Variants in FAM234B observed in about 807,000 individuals in gnomAD.
The protein encoded by FAM234B is protein FAM234B.
A neutral mutation model predicts 69.3 loss-of-function variants in FAM234B; 33 were observed. The observed-to-expected ratio is 0.48, with a 90% confidence interval of 0.36 to 0.64. The LOEUF (loss-of-function observed/expected upper bound fraction) is 0.64. FAM234B is among the 30% of genes least tolerant of loss of function. The pLI is 0.00. For missense variants in FAM234B, 697 were observed against 769.7 expected, an observed-to-expected ratio of 0.91 and a Z score of 1.12; for synonymous variants, 306 against 306.9, an observed-to-expected ratio of 1.00 and a Z score of 0.03.
chr12:13,062,671 C>T, intron 4 of FAM234B, 174 bp from the exon 5 acceptor site: 1 of 572,898 alleles, frequency 1.7e-6, no homozygotes, highest in Non-Finnish European at 3.1e-6. Flanking sequence ...ATTCGGATCA[C>T]ACTGCCTGCT....
At chr12:13,069,758 C>T (rs1008424825) in intron 9 of FAM234B, among the ~76,000 whole-genome samples, 1 of 152,138 alleles carries the variant, frequency 6.6e-6, no homozygotes, top group African/African-American at 2.4e-5. Flanking sequence ...TTACAGAGGG[C>T]CCCAAAAGCA....
At position 13,071,351 on chromosome 12, in the gene FAM234B, C is replaced by T. The variant is rs750612195; in HGVS notation, c.1479C>T (p.Val493=). The T allele has an allele frequency of 1.5e-5, 25 of 1,614,102 alleles. No individual in the cohort carries two copies. Among genetic ancestry groups the T allele is most frequent in the South Asian group, 1.5e-4 (14 of 91,082 alleles). Residue 493 remains valine, a synonymous_variant, in exon 10 of 13, where the codon GTC becomes GTT. Coordinates refer to ENST00000197268, the MANE Select transcript of FAM234B (RefSeq NM_020853.2). ...CAGTTACTTCAGACCAGAAGTCTGT[C>T]TTCCTCTTCTGGGCCGAAGGGCTGT... ...TSAVTSDQKS[V]FLFWAEGLSA...
chr12:13,054,539 A>C (rs1864909163), intron 1 of FAM234B, among the ~76,000 whole-genome samples: 1 of 152,202 alleles, frequency 6.6e-6, no homozygotes, highest in Admixed American at 6.5e-5. Flanking sequence ...ATTAATAATT[A>C]TTCTTTTCCC....
At chr12:13,072,621 C>A (rs1865118275) in intron 10 of FAM234B, among the ~76,000 whole-genome samples, 1 of 150,836 alleles carries the variant, frequency 6.6e-6, no homozygotes, top group Non-Finnish European at 1.5e-5. Flanking sequence ...TTCCAGCTAT[C>A]TGGGAGGCTG....
Position 13,055,818 on chromosome 12 carries a change from T to C in FAM234B, c.305T>C (p.Val102Ala), listed in dbSNP as rs143249960. 1.2e-6 allele frequency: 2 copies of C among 1,614,014 alleles called. No homozygotes were observed. Among genetic ancestry groups the C allele is most frequent in the Admixed American group, 1.7e-5 (1 of 59,998 alleles). ...GCGGCCTCCTCCCTGGTGTCATATG[T>C]GCGCACGTCTGTCTTCCTGCTGACT... The part of the protein sequence containing the change: ...QKAASSLVSY[V>A]RTSVFLLTLG... Residue 102 changes from valine (V) to alanine (A), a missense_variant, in exon 2 of 13, where the codon GTG (valine) becomes GCG (alanine). Val to Ala is a moderately conservative substitution (Grantham distance 64). Around this residue, in one of 3 missense-constraint regions of FAM234B, gnomAD observed 380 missense variants for 447.1 expected, o/e 0.85. Transcript: ENST00000197268.
chr12:13,077,428 C>T (rs992474402), intron 11 of FAM234B, among the ~76,000 whole-genome samples: 1 of 134,512 alleles, frequency 7.4e-6, no homozygotes, highest in Non-Finnish European at 1.6e-5. Flanking sequence ...CCCTCCCCCC[C>T]ACCCCACAAC....
intron 6 of FAM234B, 135 bp downstream of exon 6, chr12:13,066,922 C>G (rs747234004): frequency 9.1e-5 from 94 of 1,030,478 alleles, no homozygotes; most frequent in Non-Finnish European, 1.3e-4. Context: ...GGGCCTCTTA[C>G]TGTCCCCCAC....
chr12:13,044,781 C>T lies in FAM234B; in HGVS notation c.37+341C>T, dbSNP rs1864787888. Among the ~76,000 whole-genome samples the T allele has an allele frequency of 6.6e-6, 1 of 152,168 alleles. No homozygotes were observed. The highest frequency in any genetic ancestry group is 6.5e-5 in the Admixed American group (1 of 15,282). On this transcript the variant is annotated intron_variant, in intron 1 of 12. Transcript: ENST00000197268. This position sits in a 1 kb window ranked among gnomAD's most constrained non-coding sequence, Gnocchi z 5.6. Reference sequence around the variant, plus strand: ...GAGCATCCTTCCCGAGCGCCGCGGACCCAGCACCGCAGGGACTCCGGCGCC... The same window carrying T: ...GAGCATCCTTCCCGAGCGCCGCGGATCCAGCACCGCAGGGACTCCGGCGCC...
intron 9 of FAM234B, among the ~76,000 whole-genome samples, chr12:13,070,963 A>G (rs375411835): frequency 3.3e-5 from 5 of 152,178 alleles, no homozygotes; most frequent in East Asian, 3.9e-4. Flanking sequence ...TCTCACCTGT[A>G]AAATGGGGTG....
chr12:13,058,452 TG>T lies in FAM234B; in HGVS notation c.439del (p.Asp147ThrfsTer10). 6.2e-7 allele frequency: 1 copy of T among 1,613,932 alleles called. No homozygotes were observed. The highest frequency in any genetic ancestry group is 8.5e-7 in the Non-Finnish European group (1 of 1,179,854). The part of the protein sequence containing the change: ...WSRHLGSQGG[G>X]DLSPLELADV... ...TTTGGTTTTTTATGTGTATAACAGG[TG>T]GGGACCTGTCTCCATTGGAATTGGC... On this transcript the variant is annotated frameshift_variant and splice_region_variant, in exon 3 of 13. Coordinates refer to ENST00000197268, the MANE Select transcript of FAM234B (RefSeq NM_020853.2). LOFTEE classifies it high-confidence loss of function.
chr12:13,058,693 C>T lies in FAM234B; in HGVS notation c.532+144C>T, dbSNP rs1233389216. 1.2e-5 allele frequency: 8 copies of T among 690,138 alleles called. No individual in the cohort carries two copies. The East Asian group carries it at 1.6e-4, about 14-fold the overall frequency. 42.8% of individuals were successfully genotyped at this position (690,138 alleles called of 1,614,324 possible). A position where few individuals can be genotyped will look rare whatever the true frequency, so the allele number is the denominator to read the frequency against. On this transcript the variant is annotated intron_variant, in intron 3 of 12. Transcript: ENST00000197268. The stretch of plus-strand genomic sequence containing the variant: ...TGGTTCTGGCATACATGAAAACCCT[C>T]ATCAGAAAGCTTCCACATATAAATA...
chr12:13,061,430 G>A, intron 3 of FAM234B, 145 bp from the exon 4 acceptor site: 3 of 629,432 alleles, frequency 4.8e-6, no homozygotes, highest in South Asian at 4.1e-5. Context: ...ACATCTTGCT[G>A]CCAGAAGTGT....
chr12:13,062,689 C>G, intron 4 of FAM234B, 156 bp from the exon 5 acceptor site: 2 of 655,802 alleles, frequency 3.0e-6, no homozygotes, highest in South Asian at 5.0e-5. Flanking sequence ...GCTTCCTCCT[C>G]CTCAGTAAGA....
At chr12:13,066,897 A>G (rs1865045283) in intron 6 of FAM234B, 110 bp downstream of exon 6, 6 of 1,274,718 alleles carry the variant, frequency 4.7e-6, no homozygotes, top group Non-Finnish European at 6.6e-6. Context: ...GCCTTCCCAT[A>G]GCCTTCTAAT....
chr12:13,059,551 T>C (rs921712870), intron 3 of FAM234B, among the ~76,000 whole-genome samples: 2 of 151,844 alleles, frequency 1.3e-5, no homozygotes, highest in African/African-American at 4.8e-5. Flanking sequence ...TACAGTGGAG[T>C]CAAACTGCAG....
intron 1 of FAM234B, among the ~76,000 whole-genome samples, chr12:13,050,827 A>G (rs996149362): frequency 2.0e-5 from 3 of 152,178 alleles, no homozygotes; most frequent in Non-Finnish European, 4.4e-5. Flanking sequence ...TAGGCACTCA[A>G]TACACTTCCA....
intron 1 of FAM234B, among the ~76,000 whole-genome samples, chr12:13,046,119 T>C (rs1055611896): frequency 5.9e-5 from 9 of 152,180 alleles, no homozygotes; most frequent in Admixed American, 2.6e-4. Flanking sequence ...TGTTCTTTCA[T>C]GTGATGTGGG....
At chr12:13,057,126 C>T (rs967778869) in intron 2 of FAM234B, among the ~76,000 whole-genome samples, 4 of 151,776 alleles carry the variant, frequency 2.6e-5, no homozygotes, top group Admixed American at 6.6e-5. Context: ...TGCAGGAGCT[C>T]GCCACCATGC....
At chr12:13,056,434 C>T (rs910952102) in intron 2 of FAM234B, among the ~76,000 whole-genome samples, 6 of 152,260 alleles carry the variant, frequency 3.9e-5, no homozygotes, top group Non-Finnish European at 7.4e-5. Context: ...ATGGTTAGGG[C>T]GGTGCTGTCT....
Sources: allele counts gnomAD v4.1 joint callset (sites outside exome capture counted in the v4.1 genomes callset), GRCh38; gene constraint gnomAD v4.1.1; regional missense constraint gnomAD v4.1.1; non-coding constraint Gnocchi (gnomAD v3.1); transcripts MANE v1.5; gene names NCBI Gene and HGNC (gene_info 2026-07-23, HGNC 2026-07-21).